Variants in ADH1C observed in about 807,000 individuals in gnomAD.
ADH1C encodes alcohol dehydrogenase 1C.
A neutral mutation model predicts 35.0 loss-of-function variants in ADH1C; 26 were observed. The observed-to-expected ratio is 0.74, with a 90% CI of 0.54 to 1.03. The LOEUF is 1.03. Among genes scored for constraint, ADH1C ranks in the 50% least tolerant of loss-of-function variants. ADH1C has a pLI of 0.00. For synonymous variants in ADH1C, 170 were observed against 169.3 expected (o/e 1.00, Z -0.03); for missense variants, 413 against 465.4 (o/e 0.89, Z 1.04).
At chr4:99,348,361 G>C (rs1327729352) in intron 1 of ADH1C, among the ~76,000 whole-genome samples, 2 of 149,400 alleles carry the variant, frequency 1.3e-5, no homozygotes, top group African/African-American at 4.9e-5. Flanking sequence ...CCACCTATGA[G>C]TGAGAATATG....
Position 99,347,773 on chromosome 4 carries a change from G to T in ADH1C, c.92C>A (p.Pro31His), listed in dbSNP as rs1734571646. 1.2e-6 allele frequency: 2 copies of T among 1,613,426 alleles called. No homozygotes were observed. Among genetic ancestry groups the T allele is most frequent in the Non-Finnish European group, 1.7e-6 (2 of 1,179,516 alleles). ...AATGCGAACTTCATGAGCCTTAGGA[G>T]GTGCAACCTCTACCTCCTCAATGGA... ...PFSIEEVEVA[P>H]PKAHEVRIKM... The change falls in exon 2 of 9, where the codon CCT becomes CAT. Residue 31 changes from proline (P) to histidine (H), a missense_variant. Transcript: ENST00000515683.
intron 5 of ADH1C, among the ~76,000 whole-genome samples, chr4:99,344,042 G>A (rs1410296118): frequency 2.0e-5 from 3 of 152,122 alleles, no homozygotes; most frequent in African/African-American, 7.2e-5. Context: ...TTGTGACTGT[G>A]GTTTAAAAGT....
intron 1 of ADH1C, among the ~76,000 whole-genome samples, chr4:99,348,479 G>A (rs1734597071): frequency 6.6e-6 from 1 of 150,904 alleles, no homozygotes; most frequent in African/African-American, 2.4e-5. Flanking sequence ...TGGCTGCATA[G>A]TATTCCATGG....
At chr4:99,339,144 T>G (rs1248838876) in intron 8 of ADH1C, among the ~76,000 whole-genome samples, 2 of 152,132 alleles carry the variant, frequency 1.3e-5, no homozygotes, top group Non-Finnish European at 2.9e-5. Context: ...ACTCCCATAA[T>G]GAATATGCTG....
At position 99,347,828 on chromosome 4, in the gene ADH1C, C is replaced by G. The variant is rs746809084; in HGVS notation, c.37G>C (p.Ala13Pro). The stretch of plus-strand genomic sequence containing the variant: ...GGTTTCTTTAACTCCCATAGCACAG[C>G]TGCTTTGCATTTGATTACCTAGAAC... ...TAGKVIKCKA[A>P]VLWELKKPFS... is the part of the protein sequence containing the mutation. Residue 13 changes from alanine to proline, a missense_variant, in exon 2 of 9, where the codon GCT (alanine) becomes CCT (proline). By Grantham distance (27) the Ala-to-Pro change is conservative (BLOSUM62 -1). Transcript: ENST00000515683. 1 of 1,613,794 alleles carries G rather than the reference C, an allele frequency of 6.2e-7. No homozygotes were observed. The highest frequency in any genetic ancestry group is 8.5e-7 in the Non-Finnish European group (1 of 1,179,764).
intron 6 of ADH1C, among the ~76,000 whole-genome samples, chr4:99,342,415 A>C (rs977119236): frequency 1.3e-5 from 2 of 152,220 alleles, no homozygotes; most frequent in African/African-American, 2.4e-5. Flanking sequence ...AGCATACATA[A>C]AATTGTTAAA....
At position 99,344,955 on chromosome 4, in the gene ADH1C, C is replaced by T. The variant is rs1693425; in HGVS notation, c.474G>A (p.Val158=). 0.38 allele frequency: 614,552 copies of T among 1,613,934 alleles called. 124,699 individuals are homozygous for T. The highest frequency in any genetic ancestry group is 0.41 in the Non-Finnish European group (487,934 of 1,179,958). The change falls in exon 5 of 9, where the codon GTG becomes GTA. Residue 158 remains valine (V), a synonymous_variant. Transcript: ENST00000515683. The part of the protein sequence containing the change: ...SQYTVVDENA[V]AKIDAASPLE... ...GGGGCGAGGCTGCATCAATTTTGGCCACTGCATTCTCATCCACCACTGTGT... is the reference window on the plus strand; with the variant it reads ...GGGGCGAGGCTGCATCAATTTTGGCTACTGCATTCTCATCCACCACTGTGT...
chr4:99,343,484 A>C (rs1375469182), intron 5 of ADH1C, among the ~76,000 whole-genome samples: 2 of 152,216 alleles, frequency 1.3e-5, no homozygotes, highest in Admixed American at 1.3e-4. Flanking sequence ...TCAGTATCTC[A>C]TACATACACC....
chr4:99,342,350 T>C (rs946422256), intron 6 of ADH1C, among the ~76,000 whole-genome samples: 4 of 152,222 alleles, frequency 2.6e-5, no homozygotes, highest in African/African-American at 9.6e-5. Context: ...GGTCTAAAAT[T>C]GCTCATTTCT....
chr4:99,340,355 A>G (rs1252121546), intron 7 of ADH1C, among the ~76,000 whole-genome samples: 1 of 152,204 alleles, frequency 6.6e-6, no homozygotes, highest in African/African-American at 2.4e-5. Flanking sequence ...TGGAGGTTGC[A>G]GTGAGTCAAG....
At chr4:99,343,169 CA>C (rs1734456846) in intron 5 of ADH1C, 114 bp from the exon 6 acceptor site, 1 of 1,434,166 alleles carries the variant, frequency 7.0e-7, no homozygotes, top group African/African-American at 1.4e-5. Flanking sequence ...CTCTTCTGTC[CA>C]ATCTGTTATC....
chr4:99,339,655 G>GA lies in ADH1C; in HGVS notation c.1024dup (p.Ser342PhefsTer13). ...AATATTTGTTATTAATGCATCCAGT[G>GA]AAAACTTCTTAGCCATAAAGTCAGC... On this transcript the variant is annotated frameshift_variant, in exon 8 of 9. Transcript: ENST00000515683. LOFTEE classifies it high-confidence loss of function. The GA allele has an allele frequency of 6.2e-7, 1 of 1,612,052 alleles. No individual in the cohort carries two copies. Among genetic ancestry groups the GA allele is most frequent in the Non-Finnish European group, 8.5e-7 (1 of 1,179,026 alleles).
At chr4:99,343,185 C>G (rs890006944) in intron 5 of ADH1C, 130 bp from the exon 6 acceptor site, 1 of 1,350,046 alleles carries the variant, frequency 7.4e-7, no homozygotes, top group South Asian at 1.5e-5. Context: ...GTTATCGAAA[C>G]CTGTTTTGGC....
chr4:99,351,241 A>G (rs954618519), intron 1 of ADH1C: 3 of 152,202 alleles, frequency 2.0e-5, no homozygotes, highest in African/African-American at 7.2e-5. Context: ...AGTGGCTAAT[A>G]TTTATTGACT....
chr4:99,338,430 TATATATATATATATAC>T (rs1233070844), intron 8 of ADH1C, among the ~76,000 whole-genome samples: 12,728 of 80,584 alleles, frequency 0.16, 2,520 homozygotes, highest in Non-Finnish European at 0.2. Context: ...TATATATATA[TATATATATATATATAC>T]ACACTCTTGA....
At chr4:99,340,811 G>A in intron 6 of ADH1C, 101 bp from the exon 7 acceptor site, 1 of 1,516,546 alleles carries the variant, frequency 6.6e-7, no homozygotes, top group Non-Finnish European at 9.0e-7. Flanking sequence ...TTGTGAGTGT[G>A]TAGAGGGAAG....
Position 99,336,728 on chromosome 4 carries a change from A to T in ADH1C, c.*24T>A. ...AGGGTAGAGGAGGCTGAAAACTGCT[A>T]CAAGGGAAGGCATCTGTATTGTTTC... On this transcript the variant is annotated 3_prime_UTR_variant, in exon 9 of 9. Coordinates refer to ENST00000515683, the MANE Select transcript of ADH1C (RefSeq NM_000669.5). 6.2e-7 allele frequency: 1 copy of T among 1,613,308 alleles called. No homozygotes were observed. Among genetic ancestry groups the T allele is most frequent in the South Asian group, 1.1e-5 (1 of 91,072 alleles).
At chr4:99,345,840 C>T (rs1654296891) in intron 3 of ADH1C, among the ~76,000 whole-genome samples, 1 of 152,024 alleles carries the variant, frequency 6.6e-6, no homozygotes, top group Admixed American at 6.5e-5. Context: ...AAAAATAGGA[C>T]AAAGAAGAAT....
rs780641849 is a variant in ADH1C at position 99,345,076 on chromosome 4, C to G, written c.353G>C (p.Gly118Ala). ...ESNYCLKNDL[G>A]NPRGTLQDGT... ...ATCCTGCAGGGTCCCCCGAGGATTG[C>G]CTAGACTGGGCAGTGCAATACAAAG... Residue 118 changes from glycine to alanine, a missense_variant, in exon 5 of 9, where the codon GGC (glycine) becomes GCC (alanine). Coordinates refer to ENST00000515683, the MANE Select transcript of ADH1C (RefSeq NM_000669.5). 3.5e-5 allele frequency: 57 copies of G among 1,614,058 alleles called. No homozygotes were observed. The highest frequency in any genetic ancestry group is 4.7e-5 in the Non-Finnish European group (56 of 1,180,032).
Sources: gnomAD v4.1 joint callset for allele counts (sites outside exome capture counted in the v4.1 genomes callset) on GRCh38, gnomAD v4.1.1 for gene constraint, MANE v1.5 for transcripts, NCBI Gene and HGNC (gene_info 2026-07-23, HGNC 2026-07-21) for gene names.